The following GALNT16 variants were observed in gnomAD, a reference collection of about 807,000 sequenced individuals.
GALNT16 encodes the protein UDP-GalNAc:polypeptide N-acetylgalactosaminyltransferase-like protein 1.
In GALNT16, 40 loss-of-function variants were observed where a neutral mutation model predicts 76.1. That is an observed-to-expected ratio of 0.53 (90% CI 0.41 to 0.68). The LOEUF is 0.68. Ranked by LOEUF, GALNT16 falls within the 30% of genes least tolerant of loss-of-function variation. GALNT16 has a pLI of 0.00. For synonymous variants in GALNT16, 276 were observed against 285.2 expected, an observed-to-expected ratio of 0.97 and a Z score of 0.32; for missense variants, 621 against 731.9, an observed-to-expected ratio of 0.85 and a Z score of 1.75.
intron 12 of GALNT16, among the ~76,000 whole-genome samples, chr14:69,346,698 A>C (rs2140199462): frequency 6.6e-6 from 1 of 152,208 alleles, no homozygotes; most frequent in South Asian, 2.1e-4. Flanking sequence ...TTGAGCATGC[A>C]TTTTGGCCCC....
In GALNT16 at chr14:69,333,136, AGAT is replaced by A. The variant is rs1261899206; in HGVS notation, c.833_835del (p.Met278del). Reference sequence around the variant, plus strand: ...TGGGAGCAGATCCCTCTTGAGCAGAAGATGACCCGGACAGACCCCACCAGGCCC... The same window carrying A: ...TGGGAGCAGATCCCTCTTGAGCAGAAGACCCGGACAGACCCCACCAGGCCC... On this transcript the variant is annotated inframe_deletion, in exon 8 of 15. Transcript: ENST00000448469. The surrounding 1 kb of genome is among the most constrained non-coding windows in gnomAD (Gnocchi z 4.2). The A allele has an allele frequency of 6.2e-7, 1 of 1,613,678 alleles. No homozygotes were observed. Among genetic ancestry groups the A allele is most frequent in the South Asian group, 1.1e-5 (1 of 91,064 alleles).
chr14:69,331,586 T>C lies in GALNT16; in HGVS notation c.778+35T>C, dbSNP rs1421127027. 17 of 1,217,506 alleles carry C rather than the reference T, an allele frequency of 1.4e-5. 1 individual carries two copies. The highest frequency in any genetic ancestry group is 2.1e-5 in the Non-Finnish European group (17 of 818,212). 75.4% of individuals were successfully genotyped at this position (1,217,506 alleles called of 1,614,324 possible). On this transcript the variant is annotated intron_variant, in intron 7 of 14. Coordinates refer to ENST00000448469, the MANE Select transcript of GALNT16 (RefSeq NM_001168368.2). The stretch of plus-strand genomic sequence containing the variant: ...GCTCCCGGGGGTGGGGCTGTAGACA[T>C]GAAAGGAGGTAGGTGAGGCTAGGCA...
intron 12 of GALNT16, among the ~76,000 whole-genome samples, chr14:69,342,983 C>T (rs2045514616): frequency 6.6e-6 from 1 of 152,246 alleles, no homozygotes; most frequent in East Asian, 1.9e-4. Flanking sequence ...TCTCCCTGAA[C>T]TTGCCTGTAA....
At chr14:69,300,393 C>T (rs1387714430) in intron 1 of GALNT16, among the ~76,000 whole-genome samples, 2 of 152,212 alleles carry the variant, frequency 1.3e-5, no homozygotes, top group African/African-American at 4.8e-5. Context: ...CTTGCTGTCA[C>T]TGGGGCTGTA....
intron 1 of GALNT16, among the ~76,000 whole-genome samples, chr14:69,272,678 C>T (rs2044420866): frequency 6.6e-6 from 1 of 152,198 alleles, no homozygotes; most frequent in African/African-American, 2.4e-5. Flanking sequence ...GAGCAATTCC[C>T]AGTCCTGCAA....
chr14:69,281,070 G>A (rs138912402), intron 1 of GALNT16, among the ~76,000 whole-genome samples: 1 of 150,516 alleles, frequency 6.6e-6, no homozygotes, highest in Non-Finnish European at 1.5e-5. Flanking sequence ...CAACCCAACT[G>A]TGCTACAGAT....
chr14:69,290,131 G>A (rs1249154694), intron 1 of GALNT16, among the ~76,000 whole-genome samples: 3 of 152,222 alleles, frequency 2.0e-5, no homozygotes, highest in African/African-American at 7.2e-5. Context: ...TAAAAAGCAA[G>A]AGACAGTGCC....
intron 1 of GALNT16, among the ~76,000 whole-genome samples, chr14:69,276,540 G>T (rs1369933386): frequency 6.6e-6 from 1 of 152,132 alleles, no homozygotes; most frequent in Non-Finnish European, 1.5e-5. Context: ...AATTAGCTGG[G>T]TGTGGTGGTG....
At chr14:69,372,977 T>C in the GALNT16 span, among the ~76,000 whole-genome samples, 43 of 152,308 alleles carry the variant, frequency 2.8e-4, no homozygotes, top group Admixed American at 6.5e-4. Context: ...TGGAGTTGCA[T>C]TGTAGGTGGA....
the GALNT16 span, among the ~76,000 whole-genome samples, chr14:69,379,008 A>C: frequency 6.6e-6 from 1 of 151,844 alleles, no homozygotes; most frequent in Admixed American, 6.6e-5. Flanking sequence ...ATCTCGGCTC[A>C]CTCACTGCAA....
chr14:69,263,827 T>C (rs1217753973), intron 1 of GALNT16, among the ~76,000 whole-genome samples: 1 of 152,360 alleles, frequency 6.6e-6, no homozygotes, highest in African/African-American at 2.4e-5. Context: ...TAAAGGGAGA[T>C]ACTGATTCCA....
chr14:69,366,359 A>G, the GALNT16 span, among the ~76,000 whole-genome samples: 1 of 151,992 alleles, frequency 6.6e-6, no homozygotes, highest in African/African-American at 2.4e-5. Flanking sequence ...GAAGGCACCA[A>G]GTTATTCTCT....
chr14:69,374,491 C>T, the GALNT16 span, among the ~76,000 whole-genome samples: 2 of 152,104 alleles, frequency 1.3e-5, no homozygotes, highest in East Asian at 1.9e-4. Context: ...TCATGAAAAG[C>T]AGTATGTGTA....
intron 13 of GALNT16, 22 bp downstream of exon 13, chr14:69,347,203 G>C: frequency 6.3e-7 from 1 of 1,583,570 alleles, no homozygotes; most frequent in Non-Finnish European, 8.6e-7. Context: ...GGGTAGGAAT[G>C]GGAGTGGGAG....
intron 5 of GALNT16, among the ~76,000 whole-genome samples, chr14:69,328,176 G>A (rs1373938048): frequency 6.6e-6 from 1 of 152,142 alleles, no homozygotes; most frequent in Non-Finnish European, 1.5e-5. Context: ...GCTCTAAACT[G>A]TGACTGTTCA....
At chr14:69,374,105 C>T in the GALNT16 span, among the ~76,000 whole-genome samples, 1 of 152,138 alleles carries the variant, frequency 6.6e-6, no homozygotes, top group Non-Finnish European at 1.5e-5. Context: ...CACTGAAATT[C>T]CCCTCAGACC....
intron 6 of GALNT16, 108 bp from the exon 7 acceptor site, chr14:69,331,356 G>A: frequency 4.1e-6 from 3 of 723,766 alleles, no homozygotes; most frequent in South Asian, 3.1e-5. Context: ...CCTGCAGGAA[G>A]TGCTGAGTGC....
chr14:69,305,185 T>G (rs77826514), intron 1 of GALNT16, among the ~76,000 whole-genome samples: 1 of 151,346 alleles, frequency 6.6e-6, no homozygotes, highest in African/African-American at 2.4e-5. Context: ...TTTTTTTTTT[T>G]TGAGAGAGAG....
chr14:69,278,851 A>G (rs2044505430), intron 1 of GALNT16, among the ~76,000 whole-genome samples: 1 of 152,214 alleles, frequency 6.6e-6, no homozygotes, highest in African/African-American at 2.4e-5. Flanking sequence ...TCAAATTTCA[A>G]ATAAAGACAG....
Sources: gnomAD v4.1 joint callset for allele counts (sites outside exome capture counted in the v4.1 genomes callset) on GRCh38, gnomAD v4.1.1 for gene constraint, Gnocchi (gnomAD v3.1) non-coding constraint, MANE v1.5 for transcripts, NCBI Gene and HGNC (gene_info 2026-07-23, HGNC 2026-07-21) for gene names.